The following CHSY3 variants were observed in gnomAD, a reference collection of about 807,000 sequenced individuals.
CHSY3 encodes the protein N-acetylgalactosaminyl-proteoglycan 3-beta-glucuronosyltransferase 3.
CHSY3 carries 35 observed loss-of-function variants against 67.2 expected under a neutral mutation model. That is an observed-to-expected ratio of 0.52 (90% CI 0.40 to 0.69). The LOEUF is 0.69. CHSY3 is among the 30% of genes least tolerant of loss of function. CHSY3 has a pLI of 0.00. For synonymous variants in CHSY3, 474 were observed against 434.7 expected (o/e 1.09, Z -1.12); for missense variants, 1,069 against 1,138.5 (o/e 0.94, Z 0.88).
upstream of CHSY3, among the ~76,000 whole-genome samples, chr5:129,904,014 C>T (rs1383582472): frequency 6.6e-6 from 1 of 152,056 alleles, no homozygotes; most frequent in Non-Finnish European, 1.5e-5. Flanking sequence ...GAGGAGAGCA[C>T]GGTGGGACAG....
In CHSY3 at chr5:130,184,898, A is replaced by C. The variant is rs780403816; in HGVS notation, c.1756A>C (p.Ser586Arg). 2 of 1,543,454 alleles carry C rather than the reference A, an allele frequency of 1.3e-6. No homozygotes were observed. The highest frequency in any genetic ancestry group is 2.2e-5 in the South Asian group (2 of 89,700). The change falls in exon 3 of 3, where the codon AGT becomes CGT. Residue 586 changes from serine to arginine, a missense_variant. Around this residue, in one of 5 missense-constraint regions of CHSY3, gnomAD observed 401 missense variants for 395.2 expected, o/e 1.01. Transcript: ENST00000305031. ...EELDVNSLVE[S>R]INSETQSFSF... ...GCTAGATGTCAACAGTCTTGTGGAG[A>C]GTATTAACAGTGAAACTCAGTCATT...
chr5:130,061,574 A>G (rs912446386), intron 2 of CHSY3, among the ~76,000 whole-genome samples: 1 of 152,248 alleles, frequency 6.6e-6, no homozygotes, highest in African/African-American at 2.4e-5. Flanking sequence ...TTAAACTAAA[A>G]GCTTCTGCAC....
At chr5:130,017,067 G>A (rs895568158) in intron 2 of CHSY3, among the ~76,000 whole-genome samples, 10 of 152,178 alleles carry the variant, frequency 6.6e-5, no homozygotes, top group Non-Finnish European at 1.5e-4. Flanking sequence ...ATGCAAAGCC[G>A]TGGGAATTGA....
chr5:129,950,633 A>G (rs772035292), intron 2 of CHSY3, among the ~76,000 whole-genome samples: 1 of 152,216 alleles, frequency 6.6e-6, no homozygotes, highest in Non-Finnish European at 1.5e-5. Context: ...TAACAGTGAA[A>G]TATCTGAAAA....
intron 2 of CHSY3, among the ~76,000 whole-genome samples, chr5:130,068,343 A>G (rs550380857): frequency 4.6e-5 from 7 of 152,136 alleles, no homozygotes; most frequent in Non-Finnish European, 1.0e-4. Context: ...TGCTGCATTG[A>G]ATTGATGCCT....
At chr5:130,096,327 A>C (rs1228567723) in intron 2 of CHSY3, among the ~76,000 whole-genome samples, 1 of 152,200 alleles carries the variant, frequency 6.6e-6, no homozygotes, top group Non-Finnish European at 1.5e-5. Flanking sequence ...GCATGCTACC[A>C]TACCCAGCTA....
At position 130,186,484 on chromosome 5, in the gene CHSY3, A is replaced by C. The variant is rs1770426489; in HGVS notation, c.*693A>C. 1 of 152,768 alleles carries C rather than the reference A, an allele frequency of 6.5e-6. No homozygotes were observed. Among genetic ancestry groups the C allele is most frequent in the South Asian group, 2.1e-4 (1 of 4,828 alleles). The allele number at this position is 152,768 out of a possible 1,614,324, so 9.5% of individuals were successfully genotyped here. A position where few individuals can be genotyped will look rare whatever the true frequency, so the allele number is the denominator to read the frequency against. On this transcript the variant is annotated 3_prime_UTR_variant, in exon 3 of 3. Transcript: ENST00000305031. ...AATGCGAATGAACTTTATTTTCTCA[A>C]GGAAATATGATTTAATTAAATATTC...
At chr5:130,061,858 C>G (rs1439074512) in intron 2 of CHSY3, among the ~76,000 whole-genome samples, 1 of 151,524 alleles carries the variant, frequency 6.6e-6, no homozygotes, top group East Asian at 1.9e-4. Flanking sequence ...GAAATAGCAT[C>G]TTACATGAGT....
chr5:129,915,921 T>G (rs899791960), intron 2 of CHSY3, among the ~76,000 whole-genome samples: 1 of 152,180 alleles, frequency 6.6e-6, no homozygotes, highest in Non-Finnish European at 1.5e-5. Flanking sequence ...TTGTGAGGGA[T>G]GTAGCAGATC....
intron 2 of CHSY3, among the ~76,000 whole-genome samples, chr5:129,945,127 A>G (rs1580563091): frequency 6.6e-6 from 1 of 152,264 alleles, no homozygotes; most frequent in Non-Finnish European, 1.5e-5. Flanking sequence ...TAGTAAAAAC[A>G]GATGTGTTTA....
intron 2 of CHSY3, among the ~76,000 whole-genome samples, chr5:130,150,472 A>G (rs1032251921): frequency 6.6e-6 from 1 of 152,174 alleles, no homozygotes; most frequent in Non-Finnish European, 1.5e-5. Flanking sequence ...ATGTAAATAG[A>G]AATAATATTG....
intron 2 of CHSY3, among the ~76,000 whole-genome samples, chr5:129,913,430 T>A (rs2149577877): frequency 6.6e-6 from 1 of 152,336 alleles, no homozygotes; most frequent in African/African-American, 2.4e-5. Flanking sequence ...GCCATTAAAA[T>A]TGTATATCAT....
intron 2 of CHSY3, among the ~76,000 whole-genome samples, chr5:130,023,606 C>G (rs1404621132): frequency 6.6e-6 from 1 of 151,926 alleles, no homozygotes; most frequent in Non-Finnish European, 1.5e-5. Flanking sequence ...ATCATTGGGC[C>G]TAAATGTCTT....
intron 2 of CHSY3, among the ~76,000 whole-genome samples, chr5:129,940,007 T>A (rs527386232): frequency 6.6e-6 from 1 of 152,230 alleles, no homozygotes; most frequent in East Asian, 1.9e-4. Flanking sequence ...ATTTTAAGAG[T>A]GATTATGCTG....
intron 2 of CHSY3, among the ~76,000 whole-genome samples, chr5:130,020,461 A>ATATATATATATAT (rs1371121130): frequency 1.4e-4 from 11 of 79,878 alleles, no homozygotes; most frequent in African/African-American, 1.8e-4. Context: ...ATATATATAT[A>ATATATATATATAT]TTTTTTTTTT....
intron 2 of CHSY3, among the ~76,000 whole-genome samples, chr5:130,151,784 G>A (rs545369935): frequency 3.3e-5 from 5 of 152,252 alleles, no homozygotes; most frequent in Non-Finnish European, 7.4e-5. Flanking sequence ...CCATGATTCA[G>A]TTACCTCCTA....
chr5:129,925,977 A>G (rs1374196187), intron 2 of CHSY3, among the ~76,000 whole-genome samples: 1 of 152,074 alleles, frequency 6.6e-6, no homozygotes. Context: ...GATATTCTTT[A>G]TTATTAAATG....
chr5:130,169,286 G>T (rs567412840), intron 2 of CHSY3, among the ~76,000 whole-genome samples: 1 of 152,170 alleles, frequency 6.6e-6, no homozygotes, highest in South Asian at 2.1e-4. Flanking sequence ...TATTGACAAT[G>T]TGATACCTAA....
chr5:129,929,703 G>A (rs1761235602), intron 2 of CHSY3, among the ~76,000 whole-genome samples: 1 of 152,124 alleles, frequency 6.6e-6, no homozygotes, highest in African/African-American at 2.4e-5. Flanking sequence ...TATTGCTCCA[G>A]GAATTTTTAA....
Sources: allele counts gnomAD v4.1 joint callset (sites outside exome capture counted in the v4.1 genomes callset), GRCh38; gene constraint gnomAD v4.1.1; regional missense constraint gnomAD v4.1.1; transcripts MANE v1.5; gene names NCBI Gene and HGNC (gene_info 2026-07-23, HGNC 2026-07-21).